LDHAL6A: variants seen among roughly 807,000 people sequenced by gnomAD.
LDHAL6A encodes L-lactate dehydrogenase A-like 6A.
Under a neutral mutation model 28.2 loss-of-function variants are expected in LDHAL6A, and 19 were observed. The observed-to-expected ratio is 0.67, with a 90% CI of 0.47 to 0.99. LDHAL6A has a LOEUF of 0.99. Among genes scored for constraint, LDHAL6A ranks in the 50% least tolerant of loss-of-function variants. LDHAL6A has a pLI of 0.00. For synonymous variants in LDHAL6A, 144 were observed against 134.4 expected, an observed-to-expected ratio of 1.07 and a Z score of -0.49; for missense variants, 372 against 398.6, an observed-to-expected ratio of 0.93 and a Z score of 0.57.
chr11:18,461,045 C>T (rs1848887940), intron 1 of LDHAL6A, among the ~76,000 whole-genome samples: 1 of 152,172 alleles, frequency 6.6e-6, no homozygotes, highest in Non-Finnish European at 1.5e-5. Flanking sequence ...ACGATGTTGG[C>T]CAGGCTGGTC....
At chr11:18,467,908 T>TATATACAC (rs1849122163) in intron 3 of LDHAL6A, among the ~76,000 whole-genome samples, 1 of 73,724 alleles carries the variant, frequency 1.4e-5, no homozygotes, top group Non-Finnish European at 2.3e-5. Flanking sequence ...TATATATATA[T>TATATACAC]ATATATATAT....
At chr11:18,473,963 G>C (rs1469379897) in intron 3 of LDHAL6A, among the ~76,000 whole-genome samples, 1 of 152,150 alleles carries the variant, frequency 6.6e-6, no homozygotes, top group Non-Finnish European at 1.5e-5. Context: ...CAGTTAAAAT[G>C]ATCATATCTA....
At position 18,479,068 on chromosome 11, in the gene LDHAL6A, G is replaced by C; in HGVS notation, c.*198G>C. ...TCTGTCACCCAGGCTGGAGTGCAGT[G>C]GCACAATCATGGCTCACTGCAACCT... On this transcript the variant is annotated 3_prime_UTR_variant, in exon 7 of 7. Transcript: ENST00000280706. 1 of 455,966 alleles carries C rather than the reference G, an allele frequency of 2.2e-6. No individual in the cohort carries two copies. The highest frequency in any genetic ancestry group is 3.8e-5 in the Admixed American group (1 of 26,398). 28.2% of individuals were successfully genotyped at this position (455,966 alleles called of 1,614,324 possible). A position where few individuals can be genotyped will look rare whatever the true frequency, so the allele number is the denominator to read the frequency against.
intron 3 of LDHAL6A, chr11:18,468,387 G>GGA (rs1849177400): frequency 6.6e-6 from 1 of 150,582 alleles, no homozygotes; most frequent in Admixed American, 6.6e-5. Context: ...GGCCCAGACT[G>GGA]GAGTGCAGTG....
At chr11:18,465,443 T>A (rs1033417349) in intron 2 of LDHAL6A, among the ~76,000 whole-genome samples, 194 bp from the exon 3 acceptor site, 4 of 139,946 alleles carry the variant, frequency 2.9e-5, no homozygotes, top group Non-Finnish European at 4.6e-5. Flanking sequence ...TTTTTTTTTT[T>A]ATTATTAAAA....
intron 2 of LDHAL6A, among the ~76,000 whole-genome samples, chr11:18,465,063 C>T (rs142230220): frequency 8.8e-5 from 13 of 147,482 alleles, no homozygotes; most frequent in Admixed American, 1.4e-4. Flanking sequence ...CTTCTGGGCT[C>T]GTGTGTGATC....
chr11:18,468,040 T>C lies in LDHAL6A; in HGVS notation c.418+2230T>C, dbSNP rs868271609. Among the ~76,000 whole-genome samples, 87 of 14,650 alleles carry C rather than the reference T, an allele frequency of 5.9e-3. 10 individuals carry two copies. The East Asian group carries it at 0.094, about 16-fold the overall frequency. The allele number at this position is 14,650 out of a possible 152,430, so 9.6% of individuals were successfully genotyped here. A position where few individuals can be genotyped will look rare whatever the true frequency, so the allele number is the denominator to read the frequency against. Reference sequence around the variant, plus strand: ...ATATATATACGTATATATATATACATATATATACGTATATATATATACATA... The same window carrying C: ...ATATATATACGTATATATATATACACATATATACGTATATATATATACATA... On this transcript the variant is annotated intron_variant, in intron 3 of 6. Transcript: ENST00000280706.
At chr11:18,477,792 G>A in intron 6 of LDHAL6A, 49 bp downstream of exon 6, 6 of 1,535,918 alleles carry the variant, frequency 3.9e-6, no homozygotes, top group East Asian at 2.3e-5. Flanking sequence ...AAAATAGGGG[G>A]GTAAAGAACA....
chr11:18,474,277 C>T (rs1240604298), intron 3 of LDHAL6A, among the ~76,000 whole-genome samples: 2 of 150,722 alleles, frequency 1.3e-5, no homozygotes, highest in Non-Finnish European at 3.0e-5. Context: ...TGGGGTTTCA[C>T]CATGTTGACC....
chr11:18,469,993 A>G (rs543480464), intron 3 of LDHAL6A, among the ~76,000 whole-genome samples: 1 of 152,158 alleles, frequency 6.6e-6, no homozygotes, highest in African/African-American at 2.4e-5. Context: ...CAGTGATGCA[A>G]TATCGGCTCA....
At position 18,477,655 on chromosome 11, in the gene LDHAL6A, C is replaced by T. The variant is rs1849421707; in HGVS notation, c.746C>T (p.Ser249Phe). 6.2e-7 allele frequency: 1 copy of T among 1,612,572 alleles called. No homozygotes were observed. The highest frequency in any genetic ancestry group is 1.3e-5 in the African/African-American group (1 of 74,860). ...ATGGTCAAAATGAAAGGTTATACTT[C>T]TTGGGGCATTAGCCTATCTGTAGCT... is the stretch of plus-strand genomic sequence containing the variant. ...YEMVKMKGYT[S>F]WGISLSVADL... Residue 249 changes from serine (S) to phenylalanine (F), a missense_variant, in exon 6 of 7, where the codon TCT becomes TTT. By Grantham distance (155) the Ser-to-Phe change is radical. This residue lies in a region of LDHAL6A where 291 missense variants were observed against 302.9 expected (regional missense o/e 0.96). Transcript: ENST00000280706.
chr11:18,468,049 GTATATATATATACA>G (rs1221347152), intron 3 of LDHAL6A, among the ~76,000 whole-genome samples: 8 of 11,214 alleles, frequency 7.1e-4, no homozygotes, highest in Non-Finnish European at 1.8e-3. Flanking sequence ...ATATATATAC[GTATATATATATACA>G]TATATATATA....
At chr11:18,476,652 T>C (rs1301569014) in intron 5 of LDHAL6A, 151 bp downstream of exon 5, 14 of 1,413,708 alleles carry the variant, frequency 9.9e-6, no homozygotes, top group Admixed American at 2.9e-5. Flanking sequence ...ATTCACCAGA[T>C]TATAAATTCT....
chr11:18,467,669 C>G (rs1849106541), intron 3 of LDHAL6A, among the ~76,000 whole-genome samples: 1 of 151,084 alleles, frequency 6.6e-6, no homozygotes, highest in South Asian at 2.1e-4. Flanking sequence ...ACCAGCCTGG[C>G]CAACATGGCA....
chr11:18,462,407 G>T (rs1031014022), intron 1 of LDHAL6A, among the ~76,000 whole-genome samples: 86 of 152,044 alleles, frequency 5.7e-4, no homozygotes, highest in Admixed American at 7.9e-4. Flanking sequence ...GGAGGCAGAG[G>T]CGGGCGGATC....
At chr11:18,467,147 C>T (rs866794936) in intron 3 of LDHAL6A, among the ~76,000 whole-genome samples, 1 of 152,180 alleles carries the variant, frequency 6.6e-6, no homozygotes, top group Admixed American at 6.5e-5. Context: ...ATTCAAATTA[C>T]TGTATTCTAA....
chr11:18,459,308 C>G (rs181731351), intron 1 of LDHAL6A, among the ~76,000 whole-genome samples: 1 of 152,166 alleles, frequency 6.6e-6, no homozygotes, highest in Non-Finnish European at 1.5e-5. Context: ...ATCTTTCTTT[C>G]GTGCTGGATG....
chr11:18,476,111 A>G (rs1442841710), intron 4 of LDHAL6A, among the ~76,000 whole-genome samples: 2 of 152,212 alleles, frequency 1.3e-5, no homozygotes, highest in Admixed American at 6.5e-5. Flanking sequence ...AACCTTGGCT[A>G]TGGAAAAAGA....
chr11:18,477,469 A>T lies in LDHAL6A; in HGVS notation c.711-151A>T. On this transcript the variant is annotated intron_variant, in intron 5 of 6. Coordinates refer to ENST00000280706, the MANE Select transcript of LDHAL6A (RefSeq NM_144972.5). ...GCAAGACTTAAAAAAAAAAAAGAAGAAAGAAAAAATGCATACATACTACAA... is the reference window on the plus strand; with the variant it reads ...GCAAGACTTAAAAAAAAAAAAGAAGTAAGAAAAAATGCATACATACTACAA... 10 of 665,614 alleles carry T rather than the reference A, an allele frequency of 1.5e-5. 1 individual carries two copies. Among genetic ancestry groups the T allele is most frequent in the Non-Finnish European group, 2.4e-5 (10 of 414,846 alleles). The allele number at this position is 665,614 out of a possible 1,614,324, so 41.2% of individuals were successfully genotyped here.
Sources: allele counts gnomAD v4.1 joint callset (sites outside exome capture counted in the v4.1 genomes callset), GRCh38; gene constraint gnomAD v4.1.1; regional missense constraint gnomAD v4.1.1; transcripts MANE v1.5; gene names NCBI Gene and HGNC (gene_info 2026-07-23, HGNC 2026-07-21).